Variants in SLC25A20 observed in about 807,000 individuals in gnomAD.
The protein encoded by SLC25A20 is solute carrier family 25 member 20.
Under a neutral mutation model 39.7 loss-of-function variants are expected in SLC25A20, and 29 were observed. The ratio of observed to expected loss-of-function variants is 0.73; its 90% CI spans 0.54 to 1.00. SLC25A20 has a LOEUF of 1.00. Among genes scored for constraint, SLC25A20 ranks in the 50% least tolerant of loss-of-function variants. The probability of loss-of-function intolerance (pLI) is 0.00; values close to 1 mark genes in which losing one functional copy is unlikely to be tolerated. For missense variants in SLC25A20, 333 were observed against 379.9 expected (o/e 0.88, Z 1.03); for synonymous variants, 103 against 142.2 (o/e 0.72, Z 1.96).
chr3:48,889,156 G>A (rs1459599636), intron 2 of SLC25A20, among the ~76,000 whole-genome samples: 1 of 151,684 alleles, frequency 6.6e-6, no homozygotes, highest in Non-Finnish European at 1.5e-5. Flanking sequence ...TAAGACCTGT[G>A]TTAATGAAGT....
At chr3:48,866,866 T>A (rs1268710421) in intron 4 of SLC25A20, among the ~76,000 whole-genome samples, 1 of 152,118 alleles carries the variant, frequency 6.6e-6, no homozygotes, top group African/African-American at 2.4e-5. Context: ...CGATCTCGAC[T>A]CACGGCAACC....
intron 1 of SLC25A20, 31 bp from the exon 2 acceptor site, chr3:48,892,103 A>G (rs1304227434): frequency 3.8e-6 from 6 of 1,566,444 alleles, no homozygotes; most frequent in Middle Eastern, 1.7e-4. Flanking sequence ...GCAGTCACCT[A>G]CCAGAATCAG....
At chr3:48,897,367 A>ATATATATAT (rs1256371148) in intron 1 of SLC25A20, among the ~76,000 whole-genome samples, 2 of 83,730 alleles carry the variant, frequency 2.4e-5, no homozygotes, top group Non-Finnish European at 4.8e-5. Context: ...ATATATATAT[A>ATATATATAT]TTTTTTTTTT....
chr3:48,875,134 T>C lies in SLC25A20; in HGVS notation c.417+4224A>G, dbSNP rs372315932. Among the ~76,000 whole-genome samples, 453 of 151,692 alleles carry C rather than the reference T, an allele frequency of 3.0e-3. 5 individuals are homozygous for C. The highest frequency in any genetic ancestry group is 1.0e-2 in the African/African-American group (414 of 41,454). On this transcript the variant is annotated intron_variant, in intron 4 of 8. Transcript: ENST00000319017. ...TTTATTTATTTTTGAGACAGAGTCT[T>C]GCTCTGTTGCCCAGGCTGGAGTGCA...
At position 48,861,836 on chromosome 3, in the gene SLC25A20, G is replaced by A. The variant is rs76194293; in HGVS notation, c.535+706C>T. Among the ~76,000 whole-genome samples, 598 of 152,094 alleles carry A rather than the reference G, an allele frequency of 3.9e-3. 18 individuals carry two copies. In the East Asian group the frequency reaches 0.072, roughly 18 times the overall value. ...GAGGTCAGGAGTTTGAGACCAGCCC[G>A]GCCAACATGGTGAAACCCCATCTCT... On this transcript the variant is annotated intron_variant, in intron 5 of 8. Coordinates refer to ENST00000319017, the MANE Select transcript of SLC25A20 (RefSeq NM_000387.6).
chr3:48,872,077 C>T (rs1014586923), intron 4 of SLC25A20, among the ~76,000 whole-genome samples: 3 of 150,286 alleles, frequency 2.0e-5, no homozygotes, highest in Admixed American at 6.7e-5. Context: ...AATCCACCAC[C>T]CTTGGCCTCT....
At chr3:48,871,211 C>G (rs866306755) in intron 4 of SLC25A20, among the ~76,000 whole-genome samples, 6 of 151,756 alleles carry the variant, frequency 4.0e-5, no homozygotes, top group Non-Finnish European at 5.9e-5. Context: ...CAATTCTGCC[C>G]GAATTGATCT....
chr3:48,857,117 G>T lies in SLC25A20; in HGVS notation c.*593C>A, dbSNP rs926202898. The T allele has an allele frequency of 1.9e-5, 3 of 155,450 alleles. No individual in the cohort carries two copies. Among genetic ancestry groups the T allele is most frequent in the African/African-American group, 7.3e-5 (3 of 41,256 alleles). The allele number at this position is 155,450 out of a possible 1,614,324, so 9.6% of individuals were successfully genotyped here. Reference sequence around the variant, plus strand: ...ATTAGGCTACTCCAGTTTTACTTTTGATTATTTGCAGGCATAAAAAAAAAA... The same window carrying T: ...ATTAGGCTACTCCAGTTTTACTTTTTATTATTTGCAGGCATAAAAAAAAAA... On this transcript the variant is annotated 3_prime_UTR_variant, in exon 9 of 9. Transcript: ENST00000319017.
chr3:48,890,651 CTTTTTTTTTTT>C (rs71077750), intron 2 of SLC25A20, among the ~76,000 whole-genome samples: 1 of 78,134 alleles, frequency 1.3e-5, no homozygotes, highest in African/African-American at 5.5e-5. Context: ...GCCCCCTTGT[CTTTTTTTTTTT>C]TTTTTTTTTT....
At chr3:48,858,841 C>G (rs1253881652) in intron 7 of SLC25A20, among the ~76,000 whole-genome samples, 1 of 152,146 alleles carries the variant, frequency 6.6e-6, no homozygotes, top group African/African-American at 2.4e-5. Flanking sequence ...ATGAAACAGC[C>G]CTTCTGTTCA....
At chr3:48,873,383 G>A (rs1009719993) in intron 4 of SLC25A20, among the ~76,000 whole-genome samples, 3 of 151,682 alleles carry the variant, frequency 2.0e-5, no homozygotes, top group Non-Finnish European at 4.4e-5. Context: ...GGCCAAGGAG[G>A]GGGGATCACG....
intron 3 of SLC25A20, among the ~76,000 whole-genome samples, chr3:48,880,715 A>G (rs1376264418): frequency 6.6e-6 from 1 of 151,230 alleles, no homozygotes; most frequent in Non-Finnish European, 1.5e-5. Context: ...AGTAGCTGGG[A>G]CTACAGGCAA....
chr3:48,861,931 GGGA>G (rs1443666157), intron 5 of SLC25A20, among the ~76,000 whole-genome samples: 5 of 152,164 alleles, frequency 3.3e-5, no homozygotes, highest in African/African-American at 7.2e-5. Flanking sequence ...GGGAGGCTGA[GGGA>G]GGAGAATTGC....
chr3:48,898,651 G>A (rs1559674051), intron 1 of SLC25A20, 39 bp downstream of exon 1: 2 of 1,546,440 alleles, frequency 1.3e-6, no homozygotes, highest in Non-Finnish European at 1.8e-6. Context: ...CGCCCCGCCC[G>A]GGCCTCCTCC....
intron 4 of SLC25A20, among the ~76,000 whole-genome samples, chr3:48,866,261 A>T (rs2083667906): frequency 6.6e-6 from 1 of 151,618 alleles, no homozygotes; most frequent in Non-Finnish European, 1.5e-5. Context: ...AGGTATAAAA[A>T]AACCAGAAAC....
chr3:48,882,605 C>T (rs1396442031), intron 3 of SLC25A20, among the ~76,000 whole-genome samples: 2 of 152,094 alleles, frequency 1.3e-5, no homozygotes, highest in Non-Finnish European at 2.9e-5. Context: ...CACCTGTAAT[C>T]CTAGCACTGT....
At chr3:48,867,657 G>A (rs192232521) in intron 4 of SLC25A20, among the ~76,000 whole-genome samples, 2,294 of 140,568 alleles carry the variant, frequency 0.016, 53 homozygotes, top group African/African-American at 0.055. Flanking sequence ...GTGGCTGAGG[G>A]AAAAAAAAAA....
At position 48,879,459 on chromosome 3, in the gene SLC25A20, A is replaced by G. The variant is rs1224371468; in HGVS notation, c.327-11T>C. On this transcript the variant is annotated splice_polypyrimidine_tract_variant and intron_variant, in intron 3 of 8. Coordinates refer to ENST00000319017, the MANE Select transcript of SLC25A20 (RefSeq NM_000387.6). ...AAAAGCTGGGGATAGCTGCATTGAA[A>G]ACAAAAAGCAGAAGCAAGCACCTGT... is the stretch of plus-strand genomic sequence containing the variant. 6.2e-7 allele frequency: 1 copy of G among 1,605,364 alleles called. No homozygotes were observed. The highest frequency in any genetic ancestry group is 8.5e-7 in the Non-Finnish European group (1 of 1,171,950).
chr3:48,881,615 T>C (rs1308569382), intron 3 of SLC25A20, among the ~76,000 whole-genome samples: 1 of 152,098 alleles, frequency 6.6e-6, no homozygotes, highest in Non-Finnish European at 1.5e-5. Flanking sequence ...GCTGACAGGA[T>C]TGTGGGAGTG....
Sources: gnomAD v4.1 joint callset for allele counts (sites outside exome capture counted in the v4.1 genomes callset) on GRCh38, gnomAD v4.1.1 for gene constraint, MANE v1.5 for transcripts, NCBI Gene and HGNC (gene_info 2026-07-23, HGNC 2026-07-21) for gene names.